Variants in CCDC30 observed in about 807,000 individuals in gnomAD.
CCDC30 encodes coiled-coil domain containing 30.
CCDC30 carries 70 observed loss-of-function variants against 100.2 expected under a neutral mutation model. The ratio of observed to expected loss-of-function variants is 0.70; its 90% CI spans 0.58 to 0.85. CCDC30 has a LOEUF of 0.85. Ranked by LOEUF, CCDC30 falls within the 40% of genes least tolerant of loss-of-function variation. The probability of loss-of-function intolerance (pLI) is 0.00; values close to 1 mark genes in which losing one functional copy is unlikely to be tolerated. For missense variants in CCDC30, 652 were observed against 771.2 expected, an observed-to-expected ratio of 0.85 and a Z score of 1.83; for synonymous variants, 233 against 269.5, an observed-to-expected ratio of 0.86 and a Z score of 1.33.
chr1:42,551,990 T>C (rs373016998), intron 6 of CCDC30, among the ~76,000 whole-genome samples: 2 of 152,128 alleles, frequency 1.3e-5, no homozygotes, highest in East Asian at 3.9e-4. Flanking sequence ...GGTCTCGAAC[T>C]CCTGGGCTCA....
At chr1:42,613,369 C>T (rs1255271525) in intron 11 of CCDC30, among the ~76,000 whole-genome samples, 3 of 152,210 alleles carry the variant, frequency 2.0e-5, no homozygotes, top group African/African-American at 7.2e-5. Flanking sequence ...ATTCTCCTGG[C>T]TCAGCCTCCA....
intron 11 of CCDC30, among the ~76,000 whole-genome samples, chr1:42,619,396 C>T (rs752462198): frequency 2.7e-4 from 41 of 152,182 alleles, no homozygotes; most frequent in Non-Finnish European, 5.4e-4. Flanking sequence ...TGAAGGTTCA[C>T]TGAAAAATCA....
chr1:42,465,716 G>T (rs1156356561), intron 1 of CCDC30, among the ~76,000 whole-genome samples: 1 of 152,144 alleles, frequency 6.6e-6, no homozygotes, highest in Non-Finnish European at 1.5e-5. Context: ...CCCCCTGTGA[G>T]ACATTTGGCA....
rs1168014485 is a variant in CCDC30, at chr1:42,611,199, G to A, written c.1277+109G>A. 24 of 578,532 alleles carry A rather than the reference G, an allele frequency of 4.1e-5. No homozygotes were observed. In the East Asian group the frequency reaches 7.3e-4, roughly 18 times the overall value. The allele number at this position is 578,532 out of a possible 1,614,324, so 35.8% of individuals were successfully genotyped here. ...GCTGCTCACTGAAGCAACCTTTCAA[G>A]AGGGCCATCATAAAATTCCTATGTT... On this transcript the variant is annotated intron_variant, in intron 11 of 16. Coordinates refer to ENST00000668663, the Ensembl canonical transcript of CCDC30.
chr1:42,480,614 G>A (rs1643941730), intron 2 of CCDC30, 48 bp downstream of exon 2: 2 of 985,062 alleles, frequency 2.0e-6, no homozygotes, highest in African/African-American at 1.7e-5. Flanking sequence ...CATGAAGACT[G>A]ATTTATGTAC....
At chr1:42,608,659 C>T (rs539528158) in intron 10 of CCDC30, among the ~76,000 whole-genome samples, 1 of 147,940 alleles carries the variant, frequency 6.8e-6, no homozygotes, top group African/African-American at 2.5e-5. Context: ...GAGCCGAGAT[C>T]GCGCCACTGC....
intron 6 of CCDC30, among the ~76,000 whole-genome samples, chr1:42,525,670 G>A (rs1165848526): frequency 4.6e-5 from 7 of 152,042 alleles, no homozygotes; most frequent in Non-Finnish European, 8.8e-5. Context: ...TTATTGTCTT[G>A]CTTAAATAAT....
At chr1:42,473,753 A>G (rs1643840089) in intron 1 of CCDC30, among the ~76,000 whole-genome samples, 1 of 152,180 alleles carries the variant, frequency 6.6e-6, no homozygotes, top group South Asian at 2.1e-4. Flanking sequence ...GGAACTAAAC[A>G]TGTATTTTTG....
At chr1:42,629,392 C>A (rs188071003) in intron 11 of CCDC30, among the ~76,000 whole-genome samples, 233 of 152,304 alleles carry the variant, frequency 1.5e-3, no homozygotes, top group African/African-American at 4.4e-3. Context: ...AGTCTGCTGC[C>A]AGACATATTG....
At chr1:42,653,944 G>A in exon 17 of CCDC30, 1 of 1,614,018 alleles carries the variant, frequency 6.2e-7, no homozygotes, top group Non-Finnish European at 8.5e-7. Context: ...TGTGTTCACA[G>A]AATTCTGAGG....
intron 9 of CCDC30, among the ~76,000 whole-genome samples, chr1:42,587,120 C>T (rs928441193): frequency 6.6e-6 from 1 of 152,172 alleles, no homozygotes; most frequent in Non-Finnish European, 1.5e-5. Context: ...ACCTCAGCCT[C>T]CTGAGTAGCT....
At chr1:42,467,458 TAGA>T (rs200416373) in intron 1 of CCDC30, among the ~76,000 whole-genome samples, 2,016 of 152,056 alleles carry the variant, frequency 0.013, 25 homozygotes, top group South Asian at 0.056. Flanking sequence ...CATACCAGAG[TAGA>T]ATGAATAGGA....
chr1:42,645,305 A>G (rs537974669), intron 14 of CCDC30, among the ~76,000 whole-genome samples: 1 of 152,218 alleles, frequency 6.6e-6, no homozygotes, highest in Admixed American at 6.5e-5. Context: ...TCAGTTAAGT[A>G]AAGTGAAGTT....
At chr1:42,583,550 T>C (rs1646010042) in intron 9 of CCDC30, among the ~76,000 whole-genome samples, 1 of 152,242 alleles carries the variant, frequency 6.6e-6, no homozygotes, top group Admixed American at 6.5e-5. Context: ...TTCTAGAATA[T>C]TATTTTAATG....
At chr1:42,641,280 G>A (rs578101827) in intron 12 of CCDC30, among the ~76,000 whole-genome samples, 4 of 149,704 alleles carry the variant, frequency 2.7e-5, no homozygotes, top group African/African-American at 9.8e-5. Context: ...GTCTCACCAT[G>A]TTGACCAGGC....
At chr1:42,647,398 A>G (rs1221412368) in intron 15 of CCDC30, among the ~76,000 whole-genome samples, 1 of 152,230 alleles carries the variant, frequency 6.6e-6, no homozygotes, top group African/African-American at 2.4e-5. Context: ...TAACAATTAT[A>G]AATATCTATG....
At chr1:42,643,946 T>A (rs765683300) in intron 13 of CCDC30, among the ~76,000 whole-genome samples, 2 of 152,168 alleles carry the variant, frequency 1.3e-5, no homozygotes, top group Non-Finnish European at 2.9e-5. Flanking sequence ...GAGTCTCTCT[T>A]GTTTCATTCC....
At chr1:42,579,360 G>A (rs906991291) in intron 8 of CCDC30, among the ~76,000 whole-genome samples, 3 of 151,560 alleles carry the variant, frequency 2.0e-5, no homozygotes, top group South Asian at 2.1e-4. Context: ...ATGGCCAGGC[G>A]CAGTGGCTCA....
chr1:42,621,195 A>G (rs1208511693), intron 11 of CCDC30, among the ~76,000 whole-genome samples: 2 of 152,252 alleles, frequency 1.3e-5, no homozygotes, highest in East Asian at 1.9e-4. Flanking sequence ...TTTATGCAGT[A>G]CATGAGATGT....
Sources: allele counts gnomAD v4.1 joint callset (sites outside exome capture counted in the v4.1 genomes callset), GRCh38; gene constraint gnomAD v4.1.1; transcripts MANE v1.5; gene names NCBI Gene and HGNC (gene_info 2026-07-23, HGNC 2026-07-21).